PPME1: variants seen among roughly 807,000 people sequenced by gnomAD.
PPME1 encodes testicular secretory protein Li 39.
A neutral mutation model predicts 56.9 loss-of-function variants in PPME1; 17 were observed. That is an observed-to-expected ratio of 0.30 (90% CI 0.20 to 0.45). The LOEUF is 0.45. Ranked by LOEUF, PPME1 falls within the 20% of genes least tolerant of loss-of-function variation. PPME1 has a pLI of 1.00. For missense variants in PPME1, 357 were observed against 483.2 expected (o/e 0.74, Z 2.45); for synonymous variants, 122 against 156.2 (o/e 0.78, Z 1.63).
intron 1 of PPME1, among the ~76,000 whole-genome samples, chr11:74,194,241 G>A (rs775053764): frequency 2.0e-5 from 3 of 151,940 alleles, no homozygotes; most frequent in Non-Finnish European, 2.9e-5. Flanking sequence ...GAAGCAGAAA[G>A]TTAATTCTGT....
chr11:74,222,931 CT>C (rs1303067781), intron 4 of PPME1, among the ~76,000 whole-genome samples: 68 of 140,656 alleles, frequency 4.8e-4, no homozygotes, highest in East Asian at 1.6e-3. Flanking sequence ...AAGTCAAATT[CT>C]TTTTTTTTTT....
chr11:74,252,186 G>C (rs193002964), intron 13 of PPME1, among the ~76,000 whole-genome samples: 24 of 145,128 alleles, frequency 1.7e-4, no homozygotes, highest in Non-Finnish European at 3.1e-4. Context: ...CAGTGCCTCA[G>C]TCTCCCGAGT....
At chr11:74,239,285 A>T (rs1003622095) in intron 9 of PPME1, 29 bp downstream of exon 9, 2 of 1,607,954 alleles carry the variant, frequency 1.2e-6, no homozygotes, top group Non-Finnish European at 1.7e-6. Context: ...TCTTGAAAAG[A>T]TGCGGTATGG....
intron 1 of PPME1, among the ~76,000 whole-genome samples, chr11:74,198,169 T>C (rs1048301610): frequency 6.6e-6 from 1 of 152,258 alleles, no homozygotes; most frequent in Non-Finnish European, 1.5e-5. Context: ...AACTTTAAAA[T>C]TGACTTTGAT....
intron 3 of PPME1, among the ~76,000 whole-genome samples, chr11:74,214,673 T>C (rs1013763938): frequency 6.7e-6 from 1 of 148,624 alleles, no homozygotes; most frequent in African/African-American, 2.6e-5. Context: ...CATAACATAT[T>C]TAAAATGCTG....
chr11:74,190,506 A>G (rs564352275), intron 1 of PPME1, among the ~76,000 whole-genome samples: 4 of 152,354 alleles, frequency 2.6e-5, no homozygotes, highest in Admixed American at 1.3e-4. Flanking sequence ...TACTGGTAGC[A>G]TGCTTCTTGT....
At chr11:74,252,170 G>A (rs1001210962) in intron 13 of PPME1, among the ~76,000 whole-genome samples, 1 of 143,368 alleles carries the variant, frequency 7.0e-6, no homozygotes, top group Admixed American at 7.1e-5. Flanking sequence ...CTGGGCTCAA[G>A]TGATCCAGTG....
At position 74,203,672 on chromosome 11, in the gene PPME1, A is replaced by T. The variant is rs749219063; in HGVS notation, c.102-56A>T. On this transcript the variant is annotated intron_variant, in intron 1 of 13. Transcript: ENST00000328257. The stretch of plus-strand genomic sequence containing the variant: ...TTACATTTAGCATTTATTGACCAAG[A>T]TTTTATCTCTTTATGCATAATTTTT... 1.3e-3 allele frequency: 1,843 copies of T among 1,378,290 alleles called. 4 individuals are homozygous for T. The highest frequency in any genetic ancestry group is 1.8e-3 in the Non-Finnish European group (1,738 of 986,652). 85.4% of individuals were successfully genotyped at this position (1,378,290 alleles called of 1,614,324 possible).
At chr11:74,174,118 C>T (rs964480480) in intron 1 of PPME1, among the ~76,000 whole-genome samples, 4 of 148,382 alleles carry the variant, frequency 2.7e-5, no homozygotes, top group African/African-American at 1.1e-4. Context: ...AAAGCATAGA[C>T]ATGGTCTCAT....
intron 11 of PPME1, chr11:74,248,866 T>A (rs1859578873): frequency 6.6e-6 from 1 of 152,216 alleles, no homozygotes; most frequent in African/African-American, 2.4e-5. Flanking sequence ...TTGAAATCAT[T>A]GTTGATCACC....
chr11:74,251,334 C>T, intron 12 of PPME1: 1 of 1,358,430 alleles, frequency 7.4e-7, no homozygotes, highest in Middle Eastern at 2.8e-4. Flanking sequence ...AAACTGCTCC[C>T]TAAACCACAG....
Position 74,214,051 on chromosome 11 carries a change from C to T in PPME1, c.289-8261C>T, listed in dbSNP as rs147777407. Among the ~76,000 whole-genome samples, 7 of 152,242 alleles carry T rather than the reference C, an allele frequency of 4.6e-5. No homozygotes were observed. The East Asian group carries it at 1.4e-3, about 29-fold the overall frequency. On this transcript the variant is annotated intron_variant, in intron 3 of 13. Transcript: ENST00000328257. Reference sequence around the variant, plus strand: ...GATATGTGACCTTTCAGACAGAATTCAAAATAGCTGTTTTGAGGAAATTCA... The same window carrying T: ...GATATGTGACCTTTCAGACAGAATTTAAAATAGCTGTTTTGAGGAAATTCA...
rs1246842050 is a variant in PPME1 at position 74,241,648 on chromosome 11, A to G, written c.834+2392A>G. On this transcript the variant is annotated intron_variant, in intron 9 of 13. Coordinates refer to ENST00000328257, the MANE Select transcript of PPME1 (RefSeq NM_016147.3). The stretch of plus-strand genomic sequence containing the variant: ...CCAGTTTCTCAGTATCCTTGTCAGC[A>G]CTTGTTATTTTCTCTCTTTTTGATT... Among the ~76,000 whole-genome samples the G allele has an allele frequency of 1.3e-5, 2 of 152,252 alleles. 1 individual carries two copies. Among genetic ancestry groups the G allele is most frequent in the South Asian group, 4.1e-4 (2 of 4,828 alleles).
chr11:74,220,764 ATGGT>A (rs1858777890), intron 3 of PPME1, among the ~76,000 whole-genome samples: 1 of 152,192 alleles, frequency 6.6e-6, no homozygotes, highest in Non-Finnish European at 1.5e-5. Context: ...TAGTGAGAAA[ATGGT>A]TGGTTAAGTC....
intron 9 of PPME1, among the ~76,000 whole-genome samples, 156 bp downstream of exon 9, chr11:74,239,412 A>C: frequency 6.6e-6 from 1 of 152,174 alleles, no homozygotes. Flanking sequence ...TAACTATAAG[A>C]TGTAAAGCAC....
At chr11:74,231,239 G>C (rs1304202290) in intron 7 of PPME1, among the ~76,000 whole-genome samples, 1 of 152,040 alleles carries the variant, frequency 6.6e-6, no homozygotes, top group African/African-American at 2.4e-5. Context: ...TAAATTTTTT[G>C]TAGAAACGAG....
At chr11:74,208,267 G>A (rs1858380817) in intron 3 of PPME1, among the ~76,000 whole-genome samples, 1 of 150,962 alleles carries the variant, frequency 6.6e-6, no homozygotes, top group South Asian at 2.1e-4. Flanking sequence ...AGTCGAGATC[G>A]TGCCACTGCA....
intron 1 of PPME1, among the ~76,000 whole-genome samples, chr11:74,182,065 G>T (rs1489674110): frequency 1.3e-5 from 2 of 152,182 alleles, no homozygotes; most frequent in African/African-American, 4.8e-5. Context: ...GTAGGCTGTA[G>T]TTTGCCAACC....
In PPME1 at chr11:74,251,699, A is replaced by G. The variant is rs373808614; in HGVS notation, c.1126A>G (p.Ile376Val). ...FLIRHRFAEP[I>V]GGFQCVFPGC is the part of the protein sequence containing the mutation. ...GATCCGGCACAGGTTTGCAGAACCC[A>G]TCGGTGGATTCCAGTGGTAAGGCGG... is the stretch of plus-strand genomic sequence containing the variant. The change falls in exon 13 of 14, where the codon ATC (isoleucine) becomes GTC (valine). Residue 376 changes from isoleucine (I) to valine (V), a missense_variant. Ile to Val is a conservative substitution (Grantham distance 29). Transcript: ENST00000328257. 5 of 1,613,876 alleles carry G rather than the reference A, an allele frequency of 3.1e-6. No individual in the cohort carries two copies. The highest frequency in any genetic ancestry group is 2.2e-5 in the East Asian group (1 of 44,896).
Sources: gnomAD v4.1 joint callset for allele counts (sites outside exome capture counted in the v4.1 genomes callset) on GRCh38, gnomAD v4.1.1 for gene constraint, MANE v1.5 for transcripts, NCBI Gene and HGNC (gene_info 2026-07-23, HGNC 2026-07-21) for gene names.